SLC25A28: variants seen among roughly 807,000 people sequenced by gnomAD.
The protein encoded by SLC25A28 is mitoferrin-2.
Under a neutral mutation model 31.9 loss-of-function variants are expected in SLC25A28, and 10 were observed. The ratio of observed to expected loss-of-function variants is 0.31; its 90% CI spans 0.19 to 0.53. The LOEUF is 0.53. Among genes scored for constraint, SLC25A28 ranks in the 20% least tolerant of loss-of-function variants. The probability of loss-of-function intolerance (pLI) is 0.95; values close to 1 mark genes in which losing one functional copy is unlikely to be tolerated. For synonymous variants in SLC25A28, 208 were observed against 203.6 expected (o/e 1.02, Z -0.19); for missense variants, 256 against 490.3 (o/e 0.52, Z 4.51).
At chr10:99,629,913 C>T in the SLC25A28 span, among the ~76,000 whole-genome samples, 2 of 152,170 alleles carry the variant, frequency 1.3e-5, no homozygotes, top group Non-Finnish European at 2.9e-5. Context: ...GTGGCTCACG[C>T]CTGTAATCCC....
chr10:99,658,708 G>A, the SLC25A28 span, among the ~76,000 whole-genome samples: 1 of 152,290 alleles, frequency 6.6e-6, no homozygotes, highest in Non-Finnish European at 1.5e-5. Context: ...GAGGACGGCG[G>A]TAGGGCGGAT....
intron 2 of SLC25A28, chr10:99,612,800 TCA>T (rs889753348): frequency 3.2e-6 from 2 of 623,790 alleles, no homozygotes; most frequent in Admixed American, 2.7e-5. Context: ...CTTTGTAAGG[TCA>T]CTAATGTATT....
At chr10:99,618,918 CAT>C in intron 1 of SLC25A28, 1 of 985,404 alleles carries the variant, frequency 1.0e-6, no homozygotes, top group Non-Finnish European at 1.2e-6. Context: ...GAAGAGAAAA[CAT>C]ACATCAAAAA....
the SLC25A28 span, among the ~76,000 whole-genome samples, chr10:99,634,619 A>G: frequency 6.6e-6 from 1 of 152,210 alleles, no homozygotes; most frequent in Middle Eastern, 3.2e-3. Flanking sequence ...GAAAATATGA[A>G]CAAAACCTCC....
intron 1 of SLC25A28, 78 bp from the exon 2 acceptor site, chr10:99,614,002 C>T (rs935305283): frequency 2.8e-6 from 4 of 1,450,014 alleles, no homozygotes; most frequent in African/African-American, 2.8e-5. Context: ...GGCAGACCTT[C>T]TACATGGAGC....
Position 99,610,613 on chromosome 10 carries a change from G to A in SLC25A28, c.*236C>T. ...AGCAGGTCATCAGGCCCAGGATGGA[G>A]AGAGGTTATCAAAGGTGCTGTGGTG... is the stretch of plus-strand genomic sequence containing the variant. On this transcript the variant is annotated 3_prime_UTR_variant, in exon 4 of 4. Transcript: ENST00000370495. The A allele has an allele frequency of 1.8e-6, 1 of 557,250 alleles. No homozygotes were observed. Among genetic ancestry groups the A allele is most frequent in the Non-Finnish European group, 3.2e-6 (1 of 310,836 alleles). The allele number at this position is 557,250 out of a possible 1,614,324, so 34.5% of individuals were successfully genotyped here.
Position 99,613,522 on chromosome 10 carries a change from G to C in SLC25A28, c.520+174C>G. ...TGAGGTGCCCCAAAGGAAAAGGCAG[G>C]GTTGAAGCGGCCCGTTGTCTGAGAA... On this transcript the variant is annotated intron_variant, in intron 2 of 3. Coordinates refer to ENST00000370495, the MANE Select transcript of SLC25A28 (RefSeq NM_031212.4). The surrounding 1 kb of genome is among the most constrained non-coding windows in gnomAD (Gnocchi z 4.9). 1 of 1,462,570 alleles carries C rather than the reference G, an allele frequency of 6.8e-7. No homozygotes were observed. Among genetic ancestry groups the C allele is most frequent in the Non-Finnish European group, 9.0e-7 (1 of 1,112,042 alleles). The allele number at this position is 1,462,570 out of a possible 1,614,324, so 90.6% of individuals were successfully genotyped here. A position where few individuals can be genotyped will look rare whatever the true frequency, so the allele number is the denominator to read the frequency against.
At chr10:99,626,782 GTTT>G in the SLC25A28 span, among the ~76,000 whole-genome samples, 1 of 149,592 alleles carries the variant, frequency 6.7e-6, no homozygotes, top group Non-Finnish European at 1.5e-5. Flanking sequence ...GTGGAGCAGT[GTTT>G]TTTTTTTTTT....
chr10:99,627,527 AC>A, the SLC25A28 span, among the ~76,000 whole-genome samples: 1 of 151,286 alleles, frequency 6.6e-6, no homozygotes, highest in Non-Finnish European at 1.5e-5. Flanking sequence ...TGCAGCTTCA[AC>A]CCCCCTGGCT....
chr10:99,627,273 A>G, the SLC25A28 span, among the ~76,000 whole-genome samples: 1 of 152,090 alleles, frequency 6.6e-6, no homozygotes, highest in Non-Finnish European at 1.5e-5. Flanking sequence ...TTTTTTGGAT[A>G]CATAGTAGGT....
the SLC25A28 span, among the ~76,000 whole-genome samples, chr10:99,650,731 A>C: frequency 6.6e-6 from 1 of 151,984 alleles, no homozygotes; most frequent in Non-Finnish European, 1.5e-5. Flanking sequence ...GGCTGGGTTC[A>C]TGTCTCAGTC....
chr10:99,620,021 T>C, intron 1 of SLC25A28, 24 bp downstream of exon 1: 1 of 1,559,980 alleles, frequency 6.4e-7, no homozygotes, highest in Non-Finnish European at 8.6e-7. Context: ...CCAGGTCGGG[T>C]TCGAAGCCGG....
At chr10:99,631,878 ATTTTTTTTTTTTATTTTTTT>A in the SLC25A28 span, among the ~76,000 whole-genome samples, 1 of 92,904 alleles carries the variant, frequency 1.1e-5, no homozygotes, top group Non-Finnish European at 2.0e-5. Flanking sequence ...TCAGTATGTT[ATTTTTTTTTTTTATTTTTTT>A]TTTTTTTTTG....
the SLC25A28 span, among the ~76,000 whole-genome samples, chr10:99,654,315 T>C: frequency 1.3e-5 from 2 of 152,100 alleles, no homozygotes; most frequent in Admixed American, 1.3e-4. Flanking sequence ...GTAAGACTGC[T>C]CCAATATCTT....
chr10:99,617,510 AC>A (rs2034686061), intron 1 of SLC25A28: 1 of 874,102 alleles, frequency 1.1e-6, no homozygotes, highest in African/African-American at 3.3e-5. Flanking sequence ...TTTCCTCCCC[AC>A]TCATCCACTT....
Position 99,610,992 on chromosome 10 carries a change from C to G in SLC25A28, c.952G>C (p.Val318Leu). 2 of 1,614,226 alleles carry G rather than the reference C, an allele frequency of 1.2e-6. No individual in the cohort carries two copies. Among genetic ancestry groups the G allele is most frequent in the Non-Finnish European group, 1.7e-6 (2 of 1,180,038 alleles). Reference protein sequence around the residue: ...MASAFRTVYQVGGVTAYFRGV... With the variant: ...MASAFRTVYQLGGVTAYFRGV... ...CGGAAATAGGCGGTCACCCCACCTA[C>G]TTGATATACCGTCCTGAAGGCACTA... Residue 318 changes from valine (V) to leucine (L), a missense_variant, in exon 4 of 4, where the codon GTA becomes CTA. Coordinates refer to ENST00000370495, the MANE Select transcript of SLC25A28 (RefSeq NM_031212.4).
the SLC25A28 span, among the ~76,000 whole-genome samples, chr10:99,639,353 C>T: frequency 2.0e-5 from 3 of 150,848 alleles, no homozygotes; most frequent in Non-Finnish European, 3.0e-5. Flanking sequence ...GGGAGGGGGG[C>T]GAGGGATAAA....
upstream of SLC25A28, chr10:99,621,729 A>G (rs1483361739): frequency 6.6e-6 from 1 of 152,272 alleles, no homozygotes; most frequent in African/African-American, 2.4e-5. Flanking sequence ...AGATGATGCA[A>G]CTGTGGACTT....
At chr10:99,612,718 G>T in intron 2 of SLC25A28, 119 bp from the exon 3 acceptor site, 1 of 1,150,316 alleles carries the variant, frequency 8.7e-7, no homozygotes, top group Non-Finnish European at 1.3e-6. Flanking sequence ...AACGTTAAGA[G>T]CTAGTCCAAA....
Sources: gnomAD v4.1 joint callset for allele counts (sites outside exome capture counted in the v4.1 genomes callset) on GRCh38, gnomAD v4.1.1 for gene constraint, Gnocchi (gnomAD v3.1) non-coding constraint, MANE v1.5 for transcripts, NCBI Gene and HGNC (gene_info 2026-07-23, HGNC 2026-07-21) for gene names.